Variants in NTNG1 observed in about 807,000 individuals in gnomAD.
NTNG1 encodes netrin-G1.
NTNG1 carries 16 observed loss-of-function variants against 54.0 expected under a neutral mutation model. The ratio of observed to expected loss-of-function variants is 0.30; its 90% confidence interval spans 0.20 to 0.45. NTNG1 has a LOEUF of 0.45. Ranked by LOEUF, NTNG1 falls within the 20% of genes least tolerant of loss-of-function variation. The pLI is 1.00. For missense variants in NTNG1, 530 were observed against 678.7 expected (o/e 0.78, Z 2.43); for synonymous variants, 255 against 263.1 (o/e 0.97, Z 0.30).
chr1:107,482,836 G>A lies in NTNG1; in HGVS notation c.*1996G>A, dbSNP rs1379534180. The A allele has an allele frequency of 6.6e-6, 1 of 152,180 alleles. No individual in the cohort carries two copies. 9.4% of individuals were successfully genotyped at this position (152,180 alleles called of 1,614,324 possible). A position where few individuals can be genotyped will look rare whatever the true frequency, so the allele number is the denominator to read the frequency against. On this transcript the variant is annotated 3_prime_UTR_variant, in exon 8 of 8. Transcript: ENST00000370068. ...TTGTTCCCAGAAAAGCCAATTCGAA[G>A]AAGGCAATAAAAGGTAAACAGGTAA... is the stretch of plus-strand genomic sequence containing the variant.
Position 107,483,683 on chromosome 1 carries a change from A to AT in NTNG1, c.*2849dup, listed in dbSNP as rs753347781. The stretch of plus-strand genomic sequence containing the variant: ...TATATTTGAGGTCCTAATTCTTGGT[A>AT]TTTTTTCCCTTTGATAAATCCCTTA... On this transcript the variant is annotated 3_prime_UTR_variant, in exon 8 of 8. Coordinates refer to ENST00000370068, the MANE Select transcript of NTNG1 (RefSeq NM_001113226.3). 1.5e-5 allele frequency among the ~76,000 whole-genome samples: 2 copies of AT among 136,436 alleles called. No homozygotes were observed. The highest frequency in any genetic ancestry group is 5.1e-5 in the African/African-American group (2 of 39,022). The allele number at this position is 136,436 out of a possible 152,430, so 89.5% of individuals were successfully genotyped here.
Position 107,275,258 on chromosome 1 carries a change from C to A in NTNG1, c.247-49024C>A, listed in dbSNP as rs910893398. On this transcript the variant is annotated intron_variant, in intron 2 of 7. Transcript: ENST00000370068. Reference sequence around the variant, plus strand: ...CAGGCGTGGTGGCAGATGCCTATAACCTCAGCTACTCGGGAGGCTGAGGCA... The same window carrying A: ...CAGGCGTGGTGGCAGATGCCTATAAACTCAGCTACTCGGGAGGCTGAGGCA... 7.2e-5 allele frequency among the ~76,000 whole-genome samples: 11 copies of A among 151,960 alleles called. No individual in the cohort carries two copies. In the South Asian group the frequency reaches 1.0e-3, roughly 14 times the overall value.
At chr1:107,334,195 G>T (rs1668444432) in intron 3 of NTNG1, among the ~76,000 whole-genome samples, 1 of 151,598 alleles carries the variant, frequency 6.6e-6, no homozygotes, top group Admixed American at 6.6e-5. Context: ...GAAACCACAA[G>T]CTAATTTTAG....
At chr1:107,400,519 A>G (rs1007246078) in intron 4 of NTNG1, among the ~76,000 whole-genome samples, 6 of 152,220 alleles carry the variant, frequency 3.9e-5, no homozygotes, top group South Asian at 2.1e-4. Context: ...AAGTTGTTCC[A>G]AAGTCCCATA....
intron 5 of NTNG1, among the ~76,000 whole-genome samples, chr1:107,424,747 G>A (rs542929583): frequency 1.1e-4 from 17 of 152,234 alleles, no homozygotes; most frequent in South Asian, 2.1e-4. Context: ...TTTATAAAAC[G>A]TCCAAGTGGA....
Position 107,430,898 on chromosome 1 carries a change from C to T in NTNG1, c.1236C>T (p.Asp412=), listed in dbSNP as rs758884737. ...GYFRNASAQL[D]DENVCIECYC... The stretch of plus-strand genomic sequence containing the variant: ...TCAGAAATGCTTCTGCACAACTGGA[C>T]GATGAGAATGTGTGCATAGGTCAGT... The change falls in exon 6 of 8, where the codon GAC becomes GAT. Residue 412 remains aspartate, a synonymous_variant. Coordinates refer to ENST00000370068, the MANE Select transcript of NTNG1 (RefSeq NM_001113226.3). 2.5e-6 allele frequency: 4 copies of T among 1,612,882 alleles called. No individual in the cohort carries two copies. In the African/African-American group the frequency reaches 4.0e-5, roughly 16 times the overall value.
At chr1:107,418,440 G>A (rs1674355662) in intron 5 of NTNG1, 1 of 538,366 alleles carries the variant, frequency 1.9e-6, no homozygotes, top group Non-Finnish European at 3.3e-6. Flanking sequence ...TGATGTGGGA[G>A]TCATGTTTTG....
intron 2 of NTNG1, among the ~76,000 whole-genome samples, chr1:107,286,368 C>T (rs1307981017): frequency 6.6e-6 from 1 of 152,146 alleles, no homozygotes; most frequent in Admixed American, 6.6e-5. Context: ...TCACTCCTGC[C>T]ACCAATGATG....
At chr1:107,161,238 T>C (rs72979560) in intron 2 of NTNG1, among the ~76,000 whole-genome samples, 106 of 152,338 alleles carry the variant, frequency 7.0e-4, no homozygotes, top group African/African-American at 2.3e-3. Flanking sequence ...TGCTCTGATA[T>C]ACACAAGGTC....
At chr1:107,327,965 T>C (rs996926960) in intron 3 of NTNG1, among the ~76,000 whole-genome samples, 4 of 152,176 alleles carry the variant, frequency 2.6e-5, no homozygotes, top group African/African-American at 7.2e-5. Context: ...ATTAGACTAA[T>C]GTAGCATTTA....
chr1:107,420,106 A>G (rs1379018274), intron 5 of NTNG1, among the ~76,000 whole-genome samples: 1 of 152,062 alleles, frequency 6.6e-6, no homozygotes, highest in African/African-American at 2.4e-5. Context: ...CTCTAAGACA[A>G]CACTTCTCCA....
intron 5 of NTNG1, among the ~76,000 whole-genome samples, chr1:107,414,111 C>T (rs937829509): frequency 1.3e-5 from 2 of 152,122 alleles, no homozygotes; most frequent in East Asian, 3.9e-4. Flanking sequence ...CTTTAGTTTT[C>T]TGTTTCAAGC....
chr1:107,265,941 A>G (rs1663709649), intron 2 of NTNG1, among the ~76,000 whole-genome samples: 1 of 152,218 alleles, frequency 6.6e-6, no homozygotes, highest in South Asian at 2.1e-4. Flanking sequence ...CATAATGGAC[A>G]AATTGAAAAT....
At chr1:107,182,719 T>G (rs369380430) in intron 2 of NTNG1, among the ~76,000 whole-genome samples, 1 of 152,062 alleles carries the variant, frequency 6.6e-6, no homozygotes, top group South Asian at 2.1e-4. Context: ...CAATCACACA[T>G]TCAATTGGGA....
chr1:107,442,313 A>T (rs1676014329), intron 7 of NTNG1, among the ~76,000 whole-genome samples: 1 of 152,112 alleles, frequency 6.6e-6, no homozygotes. Context: ...AAAAGGTAGG[A>T]TGTTAGACCT....
intron 3 of NTNG1, among the ~76,000 whole-genome samples, chr1:107,379,005 G>C (rs953005167): frequency 3.4e-4 from 52 of 152,176 alleles, no homozygotes; most frequent in African/African-American, 1.2e-3. Flanking sequence ...TTTCATGCTT[G>C]AAATACATTA....
At chr1:107,209,192 T>C (rs1475789837) in intron 2 of NTNG1, among the ~76,000 whole-genome samples, 2 of 152,014 alleles carry the variant, frequency 1.3e-5, no homozygotes, top group Non-Finnish European at 2.9e-5. Context: ...CCTGACCTCA[T>C]CTGAAACCTC....
intron 7 of NTNG1, among the ~76,000 whole-genome samples, chr1:107,439,428 C>T (rs1257093919): frequency 6.6e-6 from 1 of 151,946 alleles, no homozygotes; most frequent in Non-Finnish European, 1.5e-5. Context: ...TCGGAATCAT[C>T]ATCTGGAGAA....
chr1:107,261,203 A>G (rs1262445284), intron 2 of NTNG1, among the ~76,000 whole-genome samples: 1 of 152,232 alleles, frequency 6.6e-6, no homozygotes, highest in Non-Finnish European at 1.5e-5. Context: ...TACTGGAGAT[A>G]TGAAAATGAA....
Sources: gnomAD v4.1 joint callset for allele counts (sites outside exome capture counted in the v4.1 genomes callset) on GRCh38, gnomAD v4.1.1 for gene constraint, MANE v1.5 for transcripts, NCBI Gene and HGNC (gene_info 2026-07-23, HGNC 2026-07-21) for gene names.